BRD1: variants seen among roughly 807,000 people sequenced by gnomAD.
The protein encoded by BRD1 is bromodomain containing 1, also known as bromodomain-containing protein 1.
In BRD1, 24 loss-of-function variants were observed where a neutral mutation model predicts 107.7. The observed-to-expected ratio is 0.22, with a 90% confidence interval of 0.16 to 0.31. The LOEUF is 0.31. BRD1 is among the 10% of genes least tolerant of loss of function. The pLI, the probability that BRD1 is intolerant of heterozygous loss-of-function variation, is 1.00. For synonymous variants in BRD1, 744 were observed against 686.1 expected (o/e 1.08, Z -1.32); for missense variants, 1,279 against 1,638.6 (o/e 0.78, Z 3.79).
At position 49,776,117 on chromosome 22, in the gene BRD1, G is replaced by T; in HGVS notation, c.3164C>A (p.Ala1055Asp). 6.2e-7 allele frequency: 1 copy of T among 1,605,844 alleles called. No homozygotes were observed. Among genetic ancestry groups the T allele is most frequent in the Non-Finnish European group, 8.5e-7 (1 of 1,179,578 alleles). Residue 1055 changes from alanine to aspartate, a missense_variant, in exon 11 of 13, where the codon GCC (alanine) becomes GAC (aspartate). Coordinates refer to ENST00000404760, the MANE Select transcript of BRD1 (RefSeq NM_001304808.3). ...SSMWISTDAA[A>D]SVLEPLKVVW... ...CACCTTCAGAGGCTCCAGCACCGAG[G>T]CGGCGGCATCAGTGGAGATCCACAT...
Position 49,792,052 on chromosome 22 carries a change from A to G in BRD1, c.2359+1982T>C, listed in dbSNP as rs2059445244. The stretch of plus-strand genomic sequence containing the variant: ...TGTTATGAGGAGCCACGCTCACCAC[A>G]GCGGAGGGCCAAGCAGCTCCAACCA... On this transcript the variant is annotated intron_variant, in intron 7 of 12. Coordinates refer to ENST00000404760, the MANE Select transcript of BRD1 (RefSeq NM_001304808.3). The surrounding 1 kb of genome is among the most constrained non-coding windows in gnomAD (Gnocchi z 4.2). Among the ~76,000 whole-genome samples the G allele has an allele frequency of 6.6e-6, 1 of 152,176 alleles. No individual in the cohort carries two copies. The highest frequency in any genetic ancestry group is 2.4e-5 in the African/African-American group (1 of 41,430).
chr22:49,798,984 C>T lies in BRD1; in HGVS notation c.1656+4G>A, dbSNP rs779878542. The T allele has an allele frequency of 9.2e-5, 148 of 1,602,330 alleles. No homozygotes were observed. Among genetic ancestry groups the T allele is most frequent in the Non-Finnish European group, 1.2e-4 (143 of 1,175,178 alleles). On this transcript the variant is annotated splice_donor_region_variant and intron_variant, in intron 4 of 12. Coordinates refer to ENST00000404760, the MANE Select transcript of BRD1 (RefSeq NM_001304808.3). ...CACTCCACGCGGGACAGGCCCAGCCCCACCTGCTCACGCTTGAGCTTCTCC... is the reference window on the plus strand; with the variant it reads ...CACTCCACGCGGGACAGGCCCAGCCTCACCTGCTCACGCTTGAGCTTCTCC...
chr22:49,785,328 C>A (rs1041253743), intron 8 of BRD1, among the ~76,000 whole-genome samples: 2 of 152,260 alleles, frequency 1.3e-5, no homozygotes, highest in African/African-American at 4.8e-5. Flanking sequence ...CCCAGCCCCA[C>A]GGCCGGCAGG....
At position 49,787,458 on chromosome 22, in the gene BRD1, T is replaced by C. The variant is rs1336154041; in HGVS notation, c.2789A>G (p.Lys930Arg). ...PRLETLLQPRKRSRSTCGDSE... is the reference protein window; with the variant it reads ...PRLETLLQPRRRSRSTCGDSE... ...GTCTCCGCATGTGCTCCGCGACCTT[T>C]TCCTTGGCTGCAGAAGAGTCTCCAA... is the stretch of plus-strand genomic sequence containing the variant. The change falls in exon 8 of 13, where the codon AAA becomes AGA. Residue 930 changes from lysine (K) to arginine (R), a missense_variant. Around this residue, in one of 7 missense-constraint regions of BRD1, gnomAD observed 263 missense variants for 251.6 expected, o/e 1.05. Transcript: ENST00000404760. 2 of 1,614,064 alleles carry C rather than the reference T, an allele frequency of 1.2e-6. No individual in the cohort carries two copies. The highest frequency in any genetic ancestry group is 1.3e-5 in the African/African-American group (1 of 74,934).
chr22:49,779,097 G>A (rs534979743), intron 8 of BRD1, among the ~76,000 whole-genome samples: 2 of 152,008 alleles, frequency 1.3e-5, no homozygotes, highest in African/African-American at 4.8e-5. Context: ...TTTTGGAAAC[G>A]ATGTCTCACT....
At chr22:49,820,429 C>T (rs930393250) in intron 2 of BRD1, among the ~76,000 whole-genome samples, 50 of 152,214 alleles carry the variant, frequency 3.3e-4, no homozygotes, top group Middle Eastern at 3.4e-3. Flanking sequence ...CCGCCCACGG[C>T]TGCACATCAA....
At position 49,783,446 on chromosome 22, in the gene BRD1, TGCCGA is replaced by T. The variant is rs1463948772; in HGVS notation, c.2857+3939_2857+3943del. On this transcript the variant is annotated intron_variant, in intron 8 of 12. Coordinates refer to ENST00000404760, the MANE Select transcript of BRD1 (RefSeq NM_001304808.3). This position sits in a 1 kb window ranked among gnomAD's most constrained non-coding sequence, Gnocchi z 4.2. ...CTGTCCATGCCACATCCTCAGACAGTGCCGAGCCAAGTTCCTCCATACCCCATGGC... is the reference window on the plus strand; with the variant it reads ...CTGTCCATGCCACATCCTCAGACAGTGCCAAGTTCCTCCATACCCCATGGC... Among the ~76,000 whole-genome samples, 2 of 152,220 alleles carry T rather than the reference TGCCGA, an allele frequency of 1.3e-5. No homozygotes were observed. The highest frequency in any genetic ancestry group is 4.8e-5 in the African/African-American group (2 of 41,444).
chr22:49,801,894 C>T (rs1017568028), intron 3 of BRD1, among the ~76,000 whole-genome samples: 8 of 152,236 alleles, frequency 5.3e-5, no homozygotes, highest in Non-Finnish European at 8.8e-5. Flanking sequence ...CACTGGCCCA[C>T]GTGTCCTGCT....
chr22:49,806,463 A>G (rs1217587821), intron 2 of BRD1: 1 of 152,274 alleles, frequency 6.6e-6, no homozygotes, highest in Non-Finnish European at 1.5e-5. Context: ...AGAGTGAGGA[A>G]GAGCATGGAA....
intron 2 of BRD1, among the ~76,000 whole-genome samples, chr22:49,809,466 G>A (rs958808697): frequency 1.3e-5 from 2 of 151,816 alleles, no homozygotes; most frequent in Admixed American, 6.6e-5. Flanking sequence ...GCTTGAACAC[G>A]GGAGGCGGAG....
rs2059267278 is a variant in BRD1 at position 49,784,000 on chromosome 22, CATTT to C, written c.2857+3386_2857+3389del. 6.6e-6 allele frequency among the ~76,000 whole-genome samples: 1 copy of C among 152,246 alleles called. No individual in the cohort carries two copies. The highest frequency in any genetic ancestry group is 1.5e-5 in the Non-Finnish European group (1 of 68,046). ...AGAACCTGGAAAACAGTGAAAAAGC[CATTT>C]AGTCTGAATGAAAGGGCAGGACAGC... On this transcript the variant is annotated intron_variant, in intron 8 of 12. Transcript: ENST00000404760. The surrounding 1 kb of genome is among the most constrained non-coding windows in gnomAD (Gnocchi z 4.2).
intron 2 of BRD1, among the ~76,000 whole-genome samples, chr22:49,810,711 T>C (rs1377843484): frequency 6.6e-6 from 1 of 152,158 alleles, no homozygotes; most frequent in Non-Finnish European, 1.5e-5. Flanking sequence ...CCAGGCAACA[T>C]CTTCAGCCAC....
chr22:49,774,456 A>G (rs2059041058), intron 12 of BRD1, 40 bp from the exon 13 acceptor site: 2 of 1,584,688 alleles, frequency 1.3e-6, no homozygotes, highest in African/African-American at 2.7e-5. Flanking sequence ...CATTGCTTGC[A>G]CATGGTATTT....
intron 7 of BRD1, 64 bp downstream of exon 7, chr22:49,793,970 T>C: frequency 6.4e-7 from 1 of 1,558,812 alleles, no homozygotes; most frequent in Non-Finnish European, 8.7e-7. Context: ...GGTCTGTGCC[T>C]GTGCCTGTGC....
At chr22:49,813,652 C>A (rs556825303) in intron 2 of BRD1, among the ~76,000 whole-genome samples, 4 of 151,358 alleles carry the variant, frequency 2.6e-5, no homozygotes, top group Non-Finnish European at 5.9e-5. Flanking sequence ...GCCAACACGG[C>A]GAAACCCCAT....
At chr22:49,822,623 T>C (rs940045689) in intron 2 of BRD1, among the ~76,000 whole-genome samples, 7 of 151,520 alleles carry the variant, frequency 4.6e-5, no homozygotes, top group Non-Finnish European at 7.4e-5. Context: ...GGCAGGAGAA[T>C]TGCTTGAACC....
At chr22:49,796,901 G>A (rs924405110) in intron 6 of BRD1, among the ~76,000 whole-genome samples, 38 of 152,258 alleles carry the variant, frequency 2.5e-4, no homozygotes, top group African/African-American at 8.9e-4. Context: ...CCTCATCCCA[G>A]AAGAAGCGAC....
In BRD1 at chr22:49,803,048, G is replaced by C. The variant is rs937152369; in HGVS notation, c.1524+1156C>G. The stretch of plus-strand genomic sequence containing the variant: ...CACGGGAGACCTGGAATATTCCACA[G>C]CCAAGACGCACCAAGGCCGTCAGAA... On this transcript the variant is annotated intron_variant, in intron 3 of 12. Coordinates refer to ENST00000404760, the MANE Select transcript of BRD1 (RefSeq NM_001304808.3). This position sits in a 1 kb window ranked among gnomAD's most constrained non-coding sequence, Gnocchi z 4.4. Among the ~76,000 whole-genome samples the C allele has an allele frequency of 2.0e-5, 3 of 152,330 alleles. No homozygotes were observed. The East Asian group carries it at 5.8e-4, about 29-fold the overall frequency.
chr22:49,823,999 C>G lies in BRD1; in HGVS notation c.319G>C (p.Ala107Pro). The G allele has an allele frequency of 6.2e-7, 1 of 1,613,920 alleles. No individual in the cohort carries two copies. The highest frequency in any genetic ancestry group is 8.5e-7 in the Non-Finnish European group (1 of 1,180,036). ...VKKKNEALPS[A>P]HGTPASASAL... ...CTGGCCGAGGCCGGCGTGCCGTGGG[C>G]GCTGGGGAGGGCCTCGTTTTTCTTT... is the stretch of plus-strand genomic sequence containing the variant. The change falls in exon 2 of 13, where the codon GCC becomes CCC. Residue 107 changes from alanine to proline, a missense_variant. Physicochemically the swap from Ala to Pro is conservative, Grantham distance 27 (BLOSUM62 -1). This residue lies in a region of BRD1 where 223 missense variants were observed against 263.5 expected (regional missense o/e 0.85). Transcript: ENST00000404760.
Sources: allele counts gnomAD v4.1 joint callset (sites outside exome capture counted in the v4.1 genomes callset), GRCh38; gene constraint gnomAD v4.1.1; regional missense constraint gnomAD v4.1.1; non-coding constraint Gnocchi (gnomAD v3.1); transcripts MANE v1.5; gene names NCBI Gene and HGNC (gene_info 2026-07-23, HGNC 2026-07-21).